Variants in LZTS1 observed in about 807,000 individuals in gnomAD.
LZTS1 encodes leucine zipper tumor suppressor 1.
LZTS1 carries 31 observed loss-of-function variants against 45.8 expected under a neutral mutation model. The ratio of observed to expected loss-of-function variants is 0.68; its 90% CI spans 0.51 to 0.91. The LOEUF (loss-of-function observed/expected upper bound fraction) is 0.91. Ranked by LOEUF, LZTS1 falls within the 40% of genes least tolerant of loss-of-function variation. The pLI is 0.00. For missense variants in LZTS1, 821 were observed against 788.9 expected, an observed-to-expected ratio of 1.04 and a Z score of -0.49; for synonymous variants, 359 against 357.3, an observed-to-expected ratio of 1.00 and a Z score of -0.05.
In LZTS1 at chr8:20,249,811, C is replaced by T. The variant is rs764158167; in HGVS notation, c.1702G>A (p.Ala568Thr). The T allele has an allele frequency of 1.9e-6, 3 of 1,614,042 alleles. No homozygotes were observed. The highest frequency in any genetic ancestry group is 1.6e-4 in the Middle Eastern group (1 of 6,084). Residue 568 changes from alanine to threonine, a missense_variant, in exon 4 of 4, where the codon GCA becomes ACA. Ala to Thr is a moderately conservative substitution (Grantham distance 58). Coordinates refer to ENST00000381569, the MANE Select transcript of LZTS1 (RefSeq NM_021020.5). ...QRLEKALQQL[A>T]RGDSAGEPLE... is the part of the protein sequence containing the mutation. ...GGCTCCCCGGCGCTGTCCCCACGTG[C>T]CAGCTGCTGCAGGGCCTTCTCCAGG...
chr8:20,253,844 G>A (rs1800017778), intron 2 of LZTS1, among the ~76,000 whole-genome samples: 1 of 152,090 alleles, frequency 6.6e-6, no homozygotes, highest in African/African-American at 2.4e-5. Context: ...GCTTGCCCCA[G>A]CCCTCCCGAG....
At chr8:20,282,493 G>A (rs1046908459) in intron 1 of LZTS1, among the ~76,000 whole-genome samples, 3 of 152,256 alleles carry the variant, frequency 2.0e-5, no homozygotes, top group African/African-American at 7.2e-5. Context: ...AGGTCAAACA[G>A]ATGAGGACTG....
chr8:20,286,347 A>G (rs958310162), intron 1 of LZTS1, among the ~76,000 whole-genome samples: 1 of 152,212 alleles, frequency 6.6e-6, no homozygotes, highest in African/African-American at 2.4e-5. Context: ...AGGCTAGGAC[A>G]TGCTAATGGA....
At position 20,249,923 on chromosome 8, in the gene LZTS1, G is replaced by C. The variant is rs761627536; in HGVS notation, c.1590C>G (p.Leu530=). Reference sequence around the variant, plus strand: ...CCTTCTCCTTCTCCTCCTTCCACACGAGCCGCTCATGCTGGAAGCCCGAGG... The same window carrying C: ...CCTTCTCCTTCTCCTCCTTCCACACCAGCCGCTCATGCTGGAAGCCCGAGG... ...QMSSGFQHER[L]VWKEEKEKVI... is the part of the protein sequence containing the mutation. Residue 530 remains leucine (L), a synonymous_variant, in exon 4 of 4, where the codon CTC becomes CTG. Coordinates refer to ENST00000381569, the MANE Select transcript of LZTS1 (RefSeq NM_021020.5). 3.1e-6 allele frequency: 5 copies of C among 1,613,994 alleles called. No homozygotes were observed. The highest frequency in any genetic ancestry group is 4.2e-6 in the Non-Finnish European group (5 of 1,180,032).
intron 1 of LZTS1, among the ~76,000 whole-genome samples, chr8:20,257,168 G>T (rs1800123792): frequency 6.6e-6 from 1 of 152,266 alleles, no homozygotes; most frequent in East Asian, 1.9e-4. Flanking sequence ...TGGCTAACAT[G>T]GTGGAACCCC....
intron 1 of LZTS1, among the ~76,000 whole-genome samples, chr8:20,289,504 C>T (rs7017240): frequency 6.6e-6 from 1 of 151,600 alleles, no homozygotes; most frequent in Non-Finnish European, 1.5e-5. Context: ...CACAATTGGC[C>T]CCTGCCAGAA....
Position 20,249,793 on chromosome 8 carries a change from C to A in LZTS1, c.1720G>T (p.Gly574Trp). Residue 574 changes from glycine to tryptophan, a missense_variant, in exon 4 of 4, where the codon GGG becomes TGG. Transcript: ENST00000381569. Reference sequence around the variant, plus strand: ...TCCAGGTCAACCTCCAAGGGCTCCCCGGCGCTGTCCCCACGTGCCAGCTGC... The same window carrying A: ...TCCAGGTCAACCTCCAAGGGCTCCCAGGCGCTGTCCCCACGTGCCAGCTGC... The part of the protein sequence containing the change: ...LQQLARGDSA[G>W]EPLEVDLEGA... 1 of 1,613,950 alleles carries A rather than the reference C, an allele frequency of 6.2e-7. No individual in the cohort carries two copies. The highest frequency in any genetic ancestry group is 8.5e-7 in the Non-Finnish European group (1 of 1,180,028).
At chr8:20,259,122 A>G (rs559005719) in intron 1 of LZTS1, among the ~76,000 whole-genome samples, 2 of 152,184 alleles carry the variant, frequency 1.3e-5, no homozygotes, top group African/African-American at 4.8e-5. Context: ...TGCAATACAC[A>G]TTGCCGAGCA....
At chr8:20,264,892 G>A (rs7843926) in intron 1 of LZTS1, among the ~76,000 whole-genome samples, 64 of 152,302 alleles carry the variant, frequency 4.2e-4, no homozygotes, top group African/African-American at 1.5e-3. Flanking sequence ...AGAGGGAAAC[G>A]GGAGAAAGAG....
rs1185225391 is a variant in LZTS1, at chr8:20,255,413, T to C, written c.-134-98A>G. 1.1e-5 allele frequency: 9 copies of C among 826,022 alleles called. No homozygotes were observed. In the African/African-American group the frequency reaches 1.5e-4, roughly 14 times the overall value. The allele number at this position is 826,022 out of a possible 1,614,324, so 51.2% of individuals were successfully genotyped here. On this transcript the variant is annotated intron_variant, in intron 1 of 3. Transcript: ENST00000381569. ...GATCTGGGCAGTAGAGAAACACATG[T>C]CAGAGCCCAGCACTGTCTCCACCAC...
intron 1 of LZTS1, among the ~76,000 whole-genome samples, chr8:20,256,783 G>A (rs1232603291): frequency 1.3e-5 from 2 of 152,164 alleles, no homozygotes; most frequent in Admixed American, 6.5e-5. Flanking sequence ...AGGGAGTGAT[G>A]GAGAGTAGGC....
At chr8:20,267,908 A>G (rs1439695826) in intron 1 of LZTS1, among the ~76,000 whole-genome samples, 1 of 152,188 alleles carries the variant, frequency 6.6e-6, no homozygotes, top group East Asian at 1.9e-4. Flanking sequence ...ATCATCAGGC[A>G]TACAATTCAA....
intron 1 of LZTS1, among the ~76,000 whole-genome samples, chr8:20,273,457 C>G (rs1461999638): frequency 6.6e-6 from 1 of 152,170 alleles, no homozygotes; most frequent in Non-Finnish European, 1.5e-5. Context: ...CCACATCTCA[C>G]CCTCGCACAT....
chr8:20,295,088 T>C (rs914623437), intron 1 of LZTS1, among the ~76,000 whole-genome samples: 29 of 152,072 alleles, frequency 1.9e-4, no homozygotes, highest in African/African-American at 7.0e-4. Context: ...CCCAAACAAA[T>C]GTTATCAGTG....
intron 1 of LZTS1, among the ~76,000 whole-genome samples, chr8:20,287,968 G>A (rs879842725): frequency 7.9e-5 from 12 of 151,088 alleles, no homozygotes; most frequent in Non-Finnish European, 1.5e-4. Context: ...CCTGCAGATG[G>A]GCCACCCCCA....
At position 20,249,787 on chromosome 8, in the gene LZTS1, G is replaced by A; in HGVS notation, c.1726C>T (p.Pro576Ser). 3.7e-6 allele frequency: 6 copies of A among 1,613,732 alleles called. No individual in the cohort carries two copies. Among genetic ancestry groups the A allele is most frequent in the Non-Finnish European group, 3.4e-6 (4 of 1,180,002 alleles). ...QLARGDSAGE[P>S]LEVDLEGADI... ...GCCCCTTCCAGGTCAACCTCCAAGG[G>A]CTCCCCGGCGCTGTCCCCACGTGCC... Residue 576 changes from proline (P) to serine (S), a missense_variant, in exon 4 of 4, where the codon CCC becomes TCC. Pro to Ser is a moderately conservative substitution (Grantham distance 74, BLOSUM62 -1). Transcript: ENST00000381569.
At position 20,275,078 on chromosome 8, in the gene LZTS1, G is replaced by T; in HGVS notation, c.-134-19763C>A. 1.3e-5 allele frequency among the ~76,000 whole-genome samples: 2 copies of T among 152,078 alleles called. 1 individual carries two copies. The highest frequency in any genetic ancestry group is 2.9e-5 in the Non-Finnish European group (2 of 68,018). ...TGGGGGACAGATACTAATGTGTGTG[G>T]AAGAGATGGATAACTCATTAACTGG... On this transcript the variant is annotated intron_variant, in intron 1 of 3. Transcript: ENST00000381569.
chr8:20,299,881 A>C (rs1801045765), intron 1 of LZTS1, among the ~76,000 whole-genome samples: 2 of 152,322 alleles, frequency 1.3e-5, no homozygotes, highest in South Asian at 4.1e-4. Flanking sequence ...TATGTAAATC[A>C]CCTCAAGATT....
chr8:20,270,356 T>C (rs1303501566), intron 1 of LZTS1, among the ~76,000 whole-genome samples: 1 of 152,138 alleles, frequency 6.6e-6, no homozygotes, highest in Non-Finnish European at 1.5e-5. Context: ...AATACTCCCA[T>C]CAGACCAAGG....
Sources: gnomAD v4.1 joint callset for allele counts (sites outside exome capture counted in the v4.1 genomes callset) on GRCh38, gnomAD v4.1.1 for gene constraint, MANE v1.5 for transcripts, NCBI Gene and HGNC (gene_info 2026-07-23, HGNC 2026-07-21) for gene names.